The following RBFOX1 variants were observed in gnomAD, a reference collection of about 807,000 sequenced individuals.
The protein encoded by RBFOX1 is RNA binding protein fox-1 homolog 1.
A neutral mutation model predicts 57.7 loss-of-function variants in RBFOX1; 8 were observed. The ratio of observed to expected loss-of-function variants is 0.14; its 90% CI spans 0.08 to 0.25. The LOEUF (loss-of-function observed/expected upper bound fraction) is 0.25, where lower values mean the gene tolerates loss of function less well. Ranked by LOEUF, RBFOX1 falls within the 10% of genes least tolerant of loss-of-function variation. The pLI, the probability that RBFOX1 is intolerant of heterozygous loss-of-function variation, is 1.00. For missense variants in RBFOX1, 611 were observed against 548.5 expected, an observed-to-expected ratio of 1.11 and a Z score of -1.14; for synonymous variants, 326 against 222.4, an observed-to-expected ratio of 1.47 and a Z score of -4.15.
chr16:5,503,879 T>C (rs1255147017), intron 2 of RBFOX1, among the ~76,000 whole-genome samples: 2 of 152,242 alleles, frequency 1.3e-5, no homozygotes, highest in African/African-American at 4.8e-5. Flanking sequence ...TCCCAGCCCC[T>C]GGCAAACACT....
chr16:7,105,432 A>G (rs1199745853), intron 4 of RBFOX1, among the ~76,000 whole-genome samples: 1 of 152,056 alleles, frequency 6.6e-6, no homozygotes, highest in Non-Finnish European at 1.5e-5. Context: ...CCATCACTCA[A>G]GCAGTATACA....
At chr16:5,659,956 A>G (rs527743399) in intron 3 of RBFOX1, among the ~76,000 whole-genome samples, 6 of 152,350 alleles carry the variant, frequency 3.9e-5, no homozygotes, top group South Asian at 2.1e-4. Context: ...AGAAGCATCA[A>G]TTGATAAATC....
chr16:6,234,923 A>T (rs923810509), intron 1 of RBFOX1, among the ~76,000 whole-genome samples: 1 of 152,186 alleles, frequency 6.6e-6, no homozygotes, highest in Non-Finnish European at 1.5e-5. Flanking sequence ...AGGTTTGGAA[A>T]ATGTTTCCAT....
chr16:5,368,063 G>T (rs369335486), intron 1 of RBFOX1, among the ~76,000 whole-genome samples: 1 of 152,166 alleles, frequency 6.6e-6, no homozygotes. Context: ...ACCCACATGA[G>T]CTCTAACCAG....
At chr16:6,826,549 C>T (rs779068740) in intron 3 of RBFOX1, among the ~76,000 whole-genome samples, 4 of 152,002 alleles carry the variant, frequency 2.6e-5, no homozygotes, top group East Asian at 1.9e-4. Context: ...TCCGGGCATA[C>T]GTGCTTGCGG....
chr16:5,386,857 C>G (rs2066272888), intron 1 of RBFOX1, among the ~76,000 whole-genome samples: 1 of 152,154 alleles, frequency 6.6e-6, no homozygotes, highest in Non-Finnish European at 1.5e-5. Context: ...TGGAGACCAG[C>G]CTGCCCAACA....
chr16:6,521,772 C>G (rs988895016), intron 2 of RBFOX1, among the ~76,000 whole-genome samples: 4 of 152,086 alleles, frequency 2.6e-5, no homozygotes, highest in African/African-American at 7.2e-5. Context: ...AACATGATTT[C>G]TATCTCCTGT....
intron 2 of RBFOX1, among the ~76,000 whole-genome samples, chr16:6,607,000 C>T (rs1361088595): frequency 2.0e-5 from 3 of 152,168 alleles, no homozygotes; most frequent in Non-Finnish European, 2.9e-5. Context: ...CCTATTTCTC[C>T]AGAGCCTTGT....
intron 1 of RBFOX1, among the ~76,000 whole-genome samples, chr16:6,138,250 C>T (rs2096683582): frequency 6.6e-6 from 1 of 152,218 alleles, no homozygotes; most frequent in African/African-American, 2.4e-5. Flanking sequence ...TCTGCTGTTG[C>T]CTTTCTGGCA....
At chr16:6,212,878 A>T (rs1205357370) in intron 1 of RBFOX1, among the ~76,000 whole-genome samples, 1 of 152,012 alleles carries the variant, frequency 6.6e-6, no homozygotes, top group African/African-American at 2.4e-5. Context: ...GACCAATAGT[A>T]AAAAAAAGTC....
chr16:5,859,096 T>G (rs893472374), intron 3 of RBFOX1, among the ~76,000 whole-genome samples: 1 of 152,114 alleles, frequency 6.6e-6, no homozygotes, highest in African/African-American at 2.4e-5. Context: ...TCCCAGCTAC[T>G]TGGGAGACTG....
chr16:7,603,042 C>A (rs180969896), intron 9 of RBFOX1, among the ~76,000 whole-genome samples: 7 of 152,140 alleles, frequency 4.6e-5, no homozygotes, highest in East Asian at 1.9e-4. Context: ...AATGGAAACA[C>A]GGCATGCCAA....
intron 4 of RBFOX1, among the ~76,000 whole-genome samples, chr16:7,342,331 C>T (rs2096913762): frequency 6.6e-6 from 1 of 152,134 alleles, no homozygotes; most frequent in African/African-American, 2.4e-5. Context: ...CAGATCTTCC[C>T]ACTCAGACGC....
Position 6,372,345 on chromosome 16 carries a change from G to A in RBFOX1, c.-64+55288G>A, listed in dbSNP as rs2090551250. Among the ~76,000 whole-genome samples the A allele has an allele frequency of 1.3e-5, 2 of 151,962 alleles. 1 individual carries two copies. Among genetic ancestry groups the A allele is most frequent in the Non-Finnish European group, 2.9e-5 (2 of 67,970 alleles). On this transcript the variant is annotated intron_variant, in intron 2 of 15. Transcript: ENST00000550418. Reference sequence around the variant, plus strand: ...TGGGTGGAGTGGAGACTTGGTGGAAGTATAGTCGGATGGAAGGATGGTTGG... The same window carrying A: ...TGGGTGGAGTGGAGACTTGGTGGAAATATAGTCGGATGGAAGGATGGTTGG...
At chr16:6,989,789 C>T (rs1050180310) in intron 3 of RBFOX1, among the ~76,000 whole-genome samples, 1 of 152,124 alleles carries the variant, frequency 6.6e-6, no homozygotes, top group Non-Finnish European at 1.5e-5. Context: ...CACCTGAGGT[C>T]AGGATTTCGA....
intron 4 of RBFOX1, among the ~76,000 whole-genome samples, chr16:7,225,535 C>G (rs1186086816): frequency 6.6e-6 from 1 of 151,818 alleles, no homozygotes. Context: ...TTACCAGTCT[C>G]AAGTATGTCT....
At chr16:5,261,820 G>A (rs942927155) in intron 1 of RBFOX1, among the ~76,000 whole-genome samples, 2 of 152,162 alleles carry the variant, frequency 1.3e-5, no homozygotes, top group Non-Finnish European at 2.9e-5. Flanking sequence ...AAAATGCTGG[G>A]ATTACAGGTG....
At chr16:5,719,673 T>C (rs1360649362) in intron 3 of RBFOX1, among the ~76,000 whole-genome samples, 1 of 152,186 alleles carries the variant, frequency 6.6e-6, no homozygotes. Context: ...AGGTGGCCTC[T>C]TGTGCCTGTG....
At chr16:6,014,057 G>A (rs926070138), upstream of RBFOX1, among the ~76,000 whole-genome samples, 16 of 152,102 alleles carry the variant, frequency 1.1e-4, no homozygotes, top group Middle Eastern at 3.2e-3. Flanking sequence ...GTACATGTAT[G>A]CATACGTAAC....
Sources: gnomAD v4.1 joint callset for allele counts (sites outside exome capture counted in the v4.1 genomes callset) on GRCh38, gnomAD v4.1.1 for gene constraint, MANE v1.5 for transcripts, NCBI Gene and HGNC (gene_info 2026-07-23, HGNC 2026-07-21) for gene names.